The following SUGCT variants were observed in gnomAD, a reference collection of about 807,000 sequenced individuals.
The protein encoded by SUGCT is succinyl-CoA:glutarate CoA-transferase.
A neutral mutation model predicts 55.0 loss-of-function variants in SUGCT; 41 were observed. That is an observed-to-expected ratio of 0.74 (90% CI 0.58 to 0.97). The LOEUF is 0.97. Among genes scored for constraint, SUGCT ranks in the 50% least tolerant of loss-of-function variants. The pLI, the probability that SUGCT is intolerant of heterozygous loss-of-function variation, is 0.00. For missense variants in SUGCT, 568 were observed against 547.8 expected, an observed-to-expected ratio of 1.04 and a Z score of -0.37; for synonymous variants, 187 against 200.4, an observed-to-expected ratio of 0.93 and a Z score of 0.56.
intron 12 of SUGCT, among the ~76,000 whole-genome samples, chr7:40,575,311 A>G (rs971877839): frequency 6.6e-6 from 1 of 152,144 alleles, no homozygotes; most frequent in Non-Finnish European, 1.5e-5. Context: ...TCTCTGATTT[A>G]ATTTCTTACC....
chr7:41,024,463 T>C, the SUGCT span, among the ~76,000 whole-genome samples: 1 of 152,244 alleles, frequency 6.6e-6, no homozygotes, highest in East Asian at 1.9e-4. Context: ...AAAGAATCCA[T>C]ATCTAGAACT....
intron 7 of SUGCT, among the ~76,000 whole-genome samples, chr7:40,248,888 G>GCGCACACA (rs774950218): frequency 1.3e-3 from 181 of 135,570 alleles, no homozygotes; most frequent in African/African-American, 2.5e-3. Context: ...GCGCGCGCTC[G>GCGCACACA]CACACACACA....
chr7:40,937,790 T>C, the SUGCT span, among the ~76,000 whole-genome samples: 6 of 152,160 alleles, frequency 3.9e-5, no homozygotes, highest in Non-Finnish European at 7.4e-5. Context: ...ATTTTTGTCT[T>C]GAATCTAAAT....
intron 9 of SUGCT, among the ~76,000 whole-genome samples, chr7:40,399,111 G>A (rs1353965211): frequency 6.6e-6 from 1 of 152,024 alleles, no homozygotes; most frequent in Non-Finnish European, 1.5e-5. Flanking sequence ...GGTTTGCAAA[G>A]GACTGATTTT....
At chr7:40,234,272 C>G (rs1788884417) in intron 6 of SUGCT, among the ~76,000 whole-genome samples, 1 of 152,182 alleles carries the variant, frequency 6.6e-6, no homozygotes, top group Admixed American at 6.5e-5. Context: ...TCACAGTGCA[C>G]AGGCCTTCCT....
chr7:40,323,222 C>G (rs1470727124), intron 9 of SUGCT, among the ~76,000 whole-genome samples: 3 of 152,126 alleles, frequency 2.0e-5, no homozygotes, highest in African/African-American at 7.2e-5. Flanking sequence ...TTAACCTCTC[C>G]TCTCTTGCAG....
chr7:40,588,364 G>A (rs1797518529), intron 12 of SUGCT, among the ~76,000 whole-genome samples: 1 of 151,874 alleles, frequency 6.6e-6, no homozygotes, highest in African/African-American at 2.4e-5. Flanking sequence ...ATATCACTCT[G>A]TGTTCACTAG....
chr7:40,435,115 C>T (rs1367042205), intron 9 of SUGCT, among the ~76,000 whole-genome samples: 1 of 152,066 alleles, frequency 6.6e-6, no homozygotes, highest in Non-Finnish European at 1.5e-5. Flanking sequence ...CAGTGTATAT[C>T]CTATTACTTG....
chr7:40,335,424 T>G (rs1796628895), intron 9 of SUGCT, among the ~76,000 whole-genome samples: 1 of 151,830 alleles, frequency 6.6e-6, no homozygotes, highest in Non-Finnish European at 1.5e-5. Context: ...TTTATTTCAT[T>G]GAGCAGTGGT....
At chr7:41,032,335 G>GTTTT in the SUGCT span, among the ~76,000 whole-genome samples, 1 of 143,752 alleles carries the variant, frequency 7.0e-6, no homozygotes. Flanking sequence ...CATTTCTCAT[G>GTTTT]TTTTTTTTTT....
chr7:40,530,077 A>G (rs560031948), intron 12 of SUGCT, among the ~76,000 whole-genome samples: 1 of 152,246 alleles, frequency 6.6e-6, no homozygotes, highest in South Asian at 2.1e-4. Context: ...TCATGTAGTC[A>G]TCTGCCTGCA....
chr7:40,496,974 A>G (rs929379367), intron 12 of SUGCT, among the ~76,000 whole-genome samples: 2 of 152,174 alleles, frequency 1.3e-5, no homozygotes, highest in African/African-American at 4.8e-5. Context: ...GGCTCCAGGA[A>G]CAGGGTCACC....
chr7:40,711,924 A>G (rs1318253465), intron 12 of SUGCT, among the ~76,000 whole-genome samples: 1 of 152,208 alleles, frequency 6.6e-6, no homozygotes, highest in Non-Finnish European at 1.5e-5. Context: ...GCCTGCGCTT[A>G]GGTAGCACTT....
the SUGCT span, among the ~76,000 whole-genome samples, chr7:40,906,682 TA>T: frequency 6.6e-6 from 1 of 152,236 alleles, no homozygotes; most frequent in Non-Finnish European, 1.5e-5. Context: ...ATGCAAATAC[TA>T]AGCCGTTTTA....
chr7:40,666,355 A>AAAGGAAGGAAGGAAGGGAGG (rs1554398408), intron 12 of SUGCT, among the ~76,000 whole-genome samples: 1 of 121,812 alleles, frequency 8.2e-6, no homozygotes, highest in African/African-American at 3.9e-5. Context: ...CTCAAGAAAG[A>AAAGGAAGGAAGGAAGGGAGG]AAGGAAGGAA....
At chr7:40,987,014 A>G in the SUGCT span, among the ~76,000 whole-genome samples, 2 of 152,194 alleles carry the variant, frequency 1.3e-5, no homozygotes, top group African/African-American at 4.8e-5. Flanking sequence ...AAAAAAATCT[A>G]TTGAAAAACT....
intron 9 of SUGCT, among the ~76,000 whole-genome samples, chr7:40,396,774 T>G (rs1028083031): frequency 6.6e-6 from 1 of 152,216 alleles, no homozygotes; most frequent in African/African-American, 2.4e-5. Context: ...TTTACTTATT[T>G]TGTTTATTCA....
chr7:40,741,229 G>A (rs1048915592), intron 12 of SUGCT, among the ~76,000 whole-genome samples: 5 of 151,354 alleles, frequency 3.3e-5, no homozygotes, highest in African/African-American at 9.7e-5. Context: ...CCGAGATCAC[G>A]CCACTGCACT....
chr7:40,448,934 G>T (rs1261084064), intron 9 of SUGCT, among the ~76,000 whole-genome samples: 5 of 147,210 alleles, frequency 3.4e-5, no homozygotes, highest in Non-Finnish European at 7.4e-5. Flanking sequence ...ATGTGTGTGT[G>T]TGTGTGTGTG....
Sources: gnomAD v4.1 joint callset for allele counts (sites outside exome capture counted in the v4.1 genomes callset) on GRCh38, gnomAD v4.1.1 for gene constraint, MANE v1.5 for transcripts, NCBI Gene and HGNC (gene_info 2026-07-23, HGNC 2026-07-21) for gene names.